SPSB1: variants seen among roughly 807,000 people sequenced by gnomAD.
The protein encoded by SPSB1 is splA/ryanodine receptor domain and SOCS box containing 1.
In SPSB1, 8 loss-of-function variants were observed where a neutral mutation model predicts 21.2. The observed-to-expected ratio is 0.38, with a 90% CI of 0.22 to 0.68. The LOEUF is 0.68. Among genes scored for constraint, SPSB1 ranks in the 30% least tolerant of loss-of-function variants. The pLI, the probability that SPSB1 is intolerant of heterozygous loss-of-function variation, is 0.53. For missense variants in SPSB1, 242 were observed against 377.8 expected, an observed-to-expected ratio of 0.64 and a Z score of 2.98; for synonymous variants, 169 against 161.7, an observed-to-expected ratio of 1.05 and a Z score of -0.34.
intron 2 of SPSB1, among the ~76,000 whole-genome samples, chr1:9,364,779 CTCT>C (rs1386073523): frequency 1.3e-5 from 2 of 152,138 alleles, no homozygotes; most frequent in African/African-American, 2.4e-5. Context: ...GCAGTGGTCC[CTCT>C]TCTTTTGTTT....
intron 1 of SPSB1, among the ~76,000 whole-genome samples, chr1:9,328,438 A>G (rs574700615): frequency 6.6e-6 from 1 of 152,252 alleles, no homozygotes; most frequent in East Asian, 1.9e-4. Context: ...CTAGGAGGGG[A>G]TATGATGTTT....
At chr1:9,331,469 T>C (rs1639918949) in intron 1 of SPSB1, among the ~76,000 whole-genome samples, 1 of 152,046 alleles carries the variant, frequency 6.6e-6, no homozygotes, top group East Asian at 1.9e-4. Flanking sequence ...TAGCTGGGAT[T>C]ACAGGCATGC....
At position 9,321,368 on chromosome 1, in the gene SPSB1, G is replaced by C. The variant is rs1639719312; in HGVS notation, c.-150+28297G>C. On this transcript the variant is annotated intron_variant, in intron 1 of 2. Coordinates refer to ENST00000328089, the MANE Select transcript of SPSB1 (RefSeq NM_025106.4). This position sits in a 1 kb window ranked among gnomAD's most constrained non-coding sequence, Gnocchi z 4.8. The stretch of plus-strand genomic sequence containing the variant: ...TAGACAGCCCGATGGCAGGGGGTGG[G>C]CTCCGAGCTCCAGGGCCCATTCTTG... Among the ~76,000 whole-genome samples, 1 of 152,278 alleles carries C rather than the reference G, an allele frequency of 6.6e-6. No individual in the cohort carries two copies. The highest frequency in any genetic ancestry group is 2.4e-5 in the African/African-American group (1 of 41,552).
intron 1 of SPSB1, among the ~76,000 whole-genome samples, chr1:9,354,916 T>C (rs1640337756): frequency 6.6e-6 from 1 of 152,114 alleles, no homozygotes; most frequent in African/African-American, 2.4e-5. Context: ...ACCCAGGGGA[T>C]GGTGAGGCCA....
At chr1:9,361,616 G>A (rs1055810999) in intron 2 of SPSB1, among the ~76,000 whole-genome samples, 4 of 152,214 alleles carry the variant, frequency 2.6e-5, no homozygotes, top group Non-Finnish European at 5.9e-5. Flanking sequence ...CTGAGTTCTC[G>A]ACGTTTCCCT....
chr1:9,310,356 C>T (rs761621631), intron 1 of SPSB1, among the ~76,000 whole-genome samples: 4 of 152,106 alleles, frequency 2.6e-5, no homozygotes, highest in African/African-American at 4.8e-5. Context: ...GTTCTTGGGG[C>T]GCCTTCCTGG....
intron 1 of SPSB1, among the ~76,000 whole-genome samples, chr1:9,347,529 TA>T (rs998775901): frequency 5.9e-5 from 9 of 152,228 alleles, no homozygotes; most frequent in Non-Finnish European, 8.8e-5. Flanking sequence ...CCTACAAACA[TA>T]AATAGGCGCA....
At chr1:9,330,862 T>C (rs888828685) in intron 1 of SPSB1, among the ~76,000 whole-genome samples, 1 of 152,308 alleles carries the variant, frequency 6.6e-6, no homozygotes, top group South Asian at 2.1e-4. Context: ...CTGTGCCATT[T>C]TGCGTTTCCA....
intron 1 of SPSB1, among the ~76,000 whole-genome samples, chr1:9,302,071 A>G (rs1281225097): frequency 6.6e-6 from 1 of 152,210 alleles, no homozygotes; most frequent in Non-Finnish European, 1.5e-5. Flanking sequence ...CACTGGGATC[A>G]TGTGCAGGGA....
intron 1 of SPSB1, among the ~76,000 whole-genome samples, chr1:9,315,689 G>A (rs995957860): frequency 3.3e-5 from 5 of 152,218 alleles, no homozygotes; most frequent in Non-Finnish European, 5.9e-5. Flanking sequence ...AGGGCATCAC[G>A]TGCAGCAAAG....
At chr1:9,307,128 A>G (rs1289961729) in intron 1 of SPSB1, among the ~76,000 whole-genome samples, 3 of 151,880 alleles carry the variant, frequency 2.0e-5, no homozygotes, top group African/African-American at 7.3e-5. Context: ...GGGTTTCACC[A>G]TGTTGGCCAG....
At chr1:9,316,504 A>AG (rs1639616374) in intron 1 of SPSB1, among the ~76,000 whole-genome samples, 1 of 152,088 alleles carries the variant, frequency 6.6e-6, no homozygotes, top group African/African-American at 2.4e-5. Flanking sequence ...GCAGGGTCCT[A>AG]GGGGGCTGCT....
intron 1 of SPSB1, among the ~76,000 whole-genome samples, chr1:9,352,674 G>A (rs539461335): frequency 5.7e-5 from 8 of 140,560 alleles, no homozygotes; most frequent in South Asian, 2.4e-4. Context: ...CTCCTTCCCC[G>A]TCCCTCCCTG....
At position 9,308,338 on chromosome 1, in the gene SPSB1, G is replaced by A. The variant is rs572112219; in HGVS notation, c.-150+15267G>A. 1.4e-4 allele frequency among the ~76,000 whole-genome samples: 22 copies of A among 152,262 alleles called. No individual in the cohort carries two copies. In the East Asian group the frequency reaches 4.3e-3, roughly 30 times the overall value. On this transcript the variant is annotated intron_variant, in intron 1 of 2. Transcript: ENST00000328089. ...TGGATACCCAGGTCCTGCATACCCAGCAGTAGGTCCTGCATACCCAGGGCC... is the reference window on the plus strand; with the variant it reads ...TGGATACCCAGGTCCTGCATACCCAACAGTAGGTCCTGCATACCCAGGGCC...
intron 1 of SPSB1, among the ~76,000 whole-genome samples, chr1:9,295,613 G>A (rs1241730332): frequency 6.6e-6 from 1 of 152,184 alleles, no homozygotes; most frequent in Non-Finnish European, 1.5e-5. Flanking sequence ...CACAGATGTT[G>A]AATTTCTTCA....
chr1:9,347,252 A>G (rs944372162), intron 1 of SPSB1, among the ~76,000 whole-genome samples: 22 of 152,364 alleles, frequency 1.4e-4, no homozygotes, highest in African/African-American at 4.3e-4. Context: ...GTGCTTACAC[A>G]TTACGCTGTG....
Position 9,305,998 on chromosome 1 carries a change from G to A in SPSB1, c.-150+12927G>A, listed in dbSNP as rs756435315. Among the ~76,000 whole-genome samples the A allele has an allele frequency of 1.3e-5, 2 of 152,312 alleles. No homozygotes were observed. The highest frequency in any genetic ancestry group is 2.4e-5 in the African/African-American group (1 of 41,576). ...GGACATTTGTGCAATTGCGAGTAAC[G>A]TGGGAGAGGGGTTCGTGCTTTAGGG... On this transcript the variant is annotated intron_variant, in intron 1 of 2. Coordinates refer to ENST00000328089, the MANE Select transcript of SPSB1 (RefSeq NM_025106.4). The surrounding 1 kb of genome is among the most constrained non-coding windows in gnomAD (Gnocchi z 4.8).
Position 9,348,278 on chromosome 1 carries a change from G to T in SPSB1, c.-149-7465G>T, listed in dbSNP as rs1028818907. Among the ~76,000 whole-genome samples, 4 of 151,868 alleles carry T rather than the reference G, an allele frequency of 2.6e-5. No individual in the cohort carries two copies. The highest frequency in any genetic ancestry group is 9.7e-5 in the African/African-American group (4 of 41,350). ...CCTGGGCATCCCACAGCACTGTCTC[G>T]CTCCTGTCTCGGCGGTAGTGCTGTG... is the stretch of plus-strand genomic sequence containing the variant. On this transcript the variant is annotated intron_variant, in intron 1 of 2. Coordinates refer to ENST00000328089, the MANE Select transcript of SPSB1 (RefSeq NM_025106.4). The surrounding 1 kb of genome is among the most constrained non-coding windows in gnomAD (Gnocchi z 4.8).
chr1:9,364,256 C>T lies in SPSB1; in HGVS notation c.695-3192C>T, dbSNP rs1000669868. ...CCCTGATGCAGGCCAGATGCAGGCG[C>T]GCTCCCAAGCAGAGAAGAGAACACA... is the stretch of plus-strand genomic sequence containing the variant. On this transcript the variant is annotated intron_variant, in intron 2 of 2. Transcript: ENST00000328089. Among the ~76,000 whole-genome samples the T allele has an allele frequency of 4.6e-5, 7 of 152,210 alleles. No homozygotes were observed. The South Asian group carries it at 6.2e-4, about 13-fold the overall frequency.
Sources: allele counts gnomAD v4.1 joint callset (sites outside exome capture counted in the v4.1 genomes callset), GRCh38; gene constraint gnomAD v4.1.1; non-coding constraint Gnocchi (gnomAD v3.1); transcripts MANE v1.5; gene names NCBI Gene and HGNC (gene_info 2026-07-23, HGNC 2026-07-21).